FRMD4A: variants seen among roughly 807,000 people sequenced by gnomAD.
The protein encoded by FRMD4A is FERM domain containing 4A, also known as FERM domain-containing protein 4A.
A neutral mutation model predicts 129.1 loss-of-function variants in FRMD4A; 29 were observed. The observed-to-expected ratio is 0.22, with a 90% CI of 0.17 to 0.31. The LOEUF is 0.31. Ranked by LOEUF, FRMD4A falls within the 10% of genes least tolerant of loss-of-function variation. The probability of loss-of-function intolerance (pLI) is 1.00; values close to 1 mark genes in which losing one functional copy is unlikely to be tolerated. For synonymous variants in FRMD4A, 634 were observed against 571.6 expected (o/e 1.11, Z -1.56); for missense variants, 1,272 against 1,375.8 (o/e 0.92, Z 1.19).
chr10:13,993,048 C>G (rs1263659658), intron 2 of FRMD4A, among the ~76,000 whole-genome samples: 1 of 151,282 alleles, frequency 6.6e-6, no homozygotes, highest in African/African-American at 2.4e-5. Context: ...CTTGCGTGTC[C>G]TATGTCCCTA....
intron 2 of FRMD4A, among the ~76,000 whole-genome samples, chr10:14,315,474 A>C (rs1386974560): frequency 6.6e-6 from 1 of 152,182 alleles, no homozygotes; most frequent in Non-Finnish European, 1.5e-5. Context: ...AAAGCTAATC[A>C]ACTGCTGATT....
In FRMD4A at chr10:14,016,506, A is replaced by C. The variant is rs142663310; in HGVS notation, c.46-157594T>G. Among the ~76,000 whole-genome samples the C allele has an allele frequency of 7.6e-4, 116 of 152,280 alleles. 1 individual carries two copies. The Middle Eastern group carries it at 0.017, about 22-fold the overall frequency. Reference sequence around the variant, plus strand: ...TGCCTCTTCCTGTCTGTTCTGCTATAAGGTCCACGTTTCATCTGCCTGAAT... The same window carrying C: ...TGCCTCTTCCTGTCTGTTCTGCTATCAGGTCCACGTTTCATCTGCCTGAAT... On this transcript the variant is annotated intron_variant, in intron 2 of 24. Coordinates refer to ENST00000357447, the MANE Select transcript of FRMD4A (RefSeq NM_018027.5).
chr10:14,327,861 T>C (rs146380086), intron 2 of FRMD4A, among the ~76,000 whole-genome samples: 7 of 152,326 alleles, frequency 4.6e-5, no homozygotes, highest in African/African-American at 1.7e-4. Context: ...GACAACTGAT[T>C]GGCTGATGAA....
intron 2 of FRMD4A, among the ~76,000 whole-genome samples, chr10:14,162,641 G>GTTT (rs71388160): frequency 3.7e-4 from 44 of 118,324 alleles, no homozygotes; most frequent in Admixed American, 5.4e-4. Context: ...TTTTTTTTTT[G>GTTT]TTTTTTTTTT....
At chr10:13,959,361 A>G (rs2095431185) in intron 2 of FRMD4A, among the ~76,000 whole-genome samples, 2 of 151,380 alleles carry the variant, frequency 1.3e-5, no homozygotes, top group South Asian at 4.2e-4. Context: ...GGCCCCAGCT[A>G]CTTGGGAGGC....
chr10:14,032,403 G>A (rs1041631153), intron 2 of FRMD4A, among the ~76,000 whole-genome samples: 7 of 152,200 alleles, frequency 4.6e-5, no homozygotes, highest in Non-Finnish European at 8.8e-5. Flanking sequence ...TGCCACTGGG[G>A]TATTGCCATT....
intron 4 of FRMD4A, 48 bp downstream of exon 4, chr10:13,810,766 C>T (rs369524165): frequency 1.0e-4 from 103 of 1,012,992 alleles, no homozygotes; most frequent in Non-Finnish European, 1.4e-4. Flanking sequence ...GTTTCGGGTT[C>T]TGCACTGACT....
Position 13,645,452 on chromosome 10 carries a change from C to T in FRMD4A, c.*1586G>A, listed in dbSNP as rs765355078. 1.3e-5 allele frequency: 2 copies of T among 151,728 alleles called. No individual in the cohort carries two copies. The highest frequency in any genetic ancestry group is 2.9e-5 in the Non-Finnish European group (2 of 67,958). The allele number at this position is 151,728 out of a possible 1,614,324, so 9.4% of individuals were successfully genotyped here. A position where few individuals can be genotyped will look rare whatever the true frequency, so the allele number is the denominator to read the frequency against. ...CCATCTTGAATAACCCAACTAAAGT[C>T]GTGCACTTGTTACTATAAAAGTATT... On this transcript the variant is annotated 3_prime_UTR_variant, in exon 25 of 25. Transcript: ENST00000357447.
rs2087535815 is a variant in FRMD4A at position 13,707,111 on chromosome 10, T to C, written c.762A>G (p.Ile254Met). ...DYHDKVKPRK[I>M]FQWRQLENLY... ...GGTTTTCCAACTGTCTCCATTGGAA[T>C]ATCTGGACAGAAAACAGTGTAGTTT... is the stretch of plus-strand genomic sequence containing the variant. Residue 254 changes from isoleucine (I) to methionine (M), a missense_variant and splice_region_variant, in exon 13 of 25, where the codon ATA becomes ATG. Physicochemically the swap from Ile to Met is conservative, Grantham distance 10. Around this residue, in one of 2 missense-constraint regions of FRMD4A, gnomAD observed 300 missense variants for 483.6 expected, o/e 0.62. Coordinates refer to ENST00000357447, the MANE Select transcript of FRMD4A (RefSeq NM_018027.5). 6.5e-7 allele frequency: 1 copy of C among 1,545,054 alleles called. No homozygotes were observed. The highest frequency in any genetic ancestry group is 2.2e-5 in the East Asian group (1 of 44,580).
At chr10:14,086,993 C>T (rs1235793503) in intron 2 of FRMD4A, among the ~76,000 whole-genome samples, 1 of 151,960 alleles carries the variant, frequency 6.6e-6, no homozygotes, top group Non-Finnish European at 1.5e-5. Flanking sequence ...GTATTGACAA[C>T]CAAACATCCC....
At chr10:14,095,538 A>G (rs1324247090) in intron 2 of FRMD4A, among the ~76,000 whole-genome samples, 2 of 152,238 alleles carry the variant, frequency 1.3e-5, no homozygotes, top group Non-Finnish European at 2.9e-5. Context: ...CCTCGCCGGG[A>G]TACTGCAGTT....
At chr10:13,877,805 A>G (rs575942981) in intron 2 of FRMD4A, among the ~76,000 whole-genome samples, 120 of 152,212 alleles carry the variant, frequency 7.9e-4, no homozygotes, top group African/African-American at 2.8e-3. Flanking sequence ...TGCCCCATGA[A>G]CCATCCCAGA....
At chr10:13,651,246 C>G (rs1350401695) in intron 24 of FRMD4A, 1 of 152,262 alleles carries the variant, frequency 6.6e-6, no homozygotes, top group Non-Finnish European at 1.5e-5. Context: ...TTTGGAAAAG[C>G]AGTGCTCATA....
chr10:13,714,472 C>T (rs1440302361), intron 12 of FRMD4A, among the ~76,000 whole-genome samples: 2 of 151,774 alleles, frequency 1.3e-5, no homozygotes, highest in South Asian at 4.2e-4. Context: ...AAGACAGAGG[C>T]AAGGCCCTTG....
intron 2 of FRMD4A, among the ~76,000 whole-genome samples, chr10:14,111,275 T>A (rs1303615314): frequency 6.6e-6 from 1 of 152,236 alleles, no homozygotes; most frequent in Non-Finnish European, 1.5e-5. Context: ...CTTAGCATAA[T>A]GTCCTCCAGG....
intron 2 of FRMD4A, among the ~76,000 whole-genome samples, chr10:14,027,442 C>A (rs1833036310): frequency 6.6e-6 from 1 of 152,168 alleles, no homozygotes; most frequent in South Asian, 2.1e-4. Flanking sequence ...ATGATGAAAC[C>A]CTGTCTCTAC....
intron 2 of FRMD4A, among the ~76,000 whole-genome samples, chr10:13,989,419 C>T (rs4748071): frequency 6.6e-6 from 1 of 151,654 alleles, no homozygotes; most frequent in Non-Finnish European, 1.5e-5. Flanking sequence ...GTAGTGGCGC[C>T]ATCTTGGCTC....
At chr10:14,058,193 G>A (rs1043771610) in intron 2 of FRMD4A, among the ~76,000 whole-genome samples, 1 of 152,150 alleles carries the variant, frequency 6.6e-6, no homozygotes, top group Non-Finnish European at 1.5e-5. Flanking sequence ...AACCCATAGG[G>A]ACAAGAAAGC....
chr10:14,070,364 C>T (rs1315459956), intron 2 of FRMD4A, among the ~76,000 whole-genome samples: 1 of 152,192 alleles, frequency 6.6e-6, no homozygotes, highest in Non-Finnish European at 1.5e-5. Flanking sequence ...AAAATGACAA[C>T]CTCAACTACA....
Sources: gnomAD v4.1 joint callset for allele counts (sites outside exome capture counted in the v4.1 genomes callset) on GRCh38, gnomAD v4.1.1 for gene constraint, gnomAD v4.1.1 regional missense constraint, MANE v1.5 for transcripts, NCBI Gene and HGNC (gene_info 2026-07-23, HGNC 2026-07-21) for gene names.